The following FAT4 variants were observed in gnomAD, a reference collection of about 807,000 sequenced individuals.
The protein encoded by FAT4 is FAT atypical cadherin 4, also known as protocadherin Fat 4.
FAT4 carries 84 observed loss-of-function variants against 303.9 expected under a neutral mutation model. The observed-to-expected ratio is 0.28, with a 90% CI of 0.23 to 0.33. The LOEUF is 0.33. Ranked by LOEUF, FAT4 falls within the 10% of genes least tolerant of loss-of-function variation. FAT4 has a pLI of 1.00. For synonymous variants in FAT4, 2,307 were observed against 2,298.8 expected (o/e 1.00, Z -0.10); for missense variants, 6,005 against 6,146.8 (o/e 0.98, Z 0.77).
At chr4:125,340,214 T>G (rs1731729753) in intron 2 of FAT4, among the ~76,000 whole-genome samples, 1 of 152,178 alleles carries the variant, frequency 6.6e-6, no homozygotes, top group Non-Finnish European at 1.5e-5. Context: ...TGATATATTT[T>G]AGTTTGATTA....
At chr4:125,326,275 T>G (rs1731153674) in intron 2 of FAT4, among the ~76,000 whole-genome samples, 2 of 151,884 alleles carry the variant, frequency 1.3e-5, no homozygotes, top group Admixed American at 1.3e-4. Context: ...TAGAAATGAT[T>G]TTCTTTCACA....
At chr4:125,435,828 A>C (rs1725431372) in intron 8 of FAT4, among the ~76,000 whole-genome samples, 2 of 152,192 alleles carry the variant, frequency 1.3e-5, no homozygotes. Context: ...CAGAAGAGAC[A>C]CATAAACTGG....
intron 7 of FAT4, among the ~76,000 whole-genome samples, chr4:125,416,969 A>G (rs6534479): frequency 0.99 from 150,882 of 152,292 alleles, 74,756 homozygotes; most frequent in East Asian, 1. Context: ...AAATTAAATA[A>G]TAATAATTTC....
intron 4 of FAT4, 29 bp from the exon 5 acceptor site, chr4:125,408,415 T>A (rs981534235): frequency 7.7e-6 from 11 of 1,424,268 alleles, no homozygotes; most frequent in Non-Finnish European, 8.6e-6. Context: ...CTTCCTTGAT[T>A]TTATACTATT....
chr4:125,369,423 G>A (rs1279353928), intron 2 of FAT4, among the ~76,000 whole-genome samples: 1 of 152,034 alleles, frequency 6.6e-6, no homozygotes, highest in Non-Finnish European at 1.5e-5. Context: ...GTGATACAGT[G>A]AGACTCCATC....
chr4:125,463,761 A>G, intron 11 of FAT4, 94 bp downstream of exon 11: 1 of 618,170 alleles, frequency 1.6e-6, no homozygotes, highest in Non-Finnish European at 2.7e-6. Context: ...AGACCAAAAA[A>G]TTATTGTTTT....
intron 2 of FAT4, chr4:125,393,797 T>C (rs1734063728): frequency 1.9e-6 from 1 of 512,946 alleles, no homozygotes; most frequent in Non-Finnish European, 3.5e-6. Flanking sequence ...GACAGATCAT[T>C]TGTGAACTAA....
chr4:125,330,064 C>T (rs1340386271), intron 2 of FAT4, among the ~76,000 whole-genome samples: 2 of 152,162 alleles, frequency 1.3e-5, no homozygotes, highest in East Asian at 3.9e-4. Context: ...CTATTGTTCT[C>T]TTCTCTTACT....
At chr4:125,453,811 C>CA (rs1163404447) in intron 10 of FAT4, among the ~76,000 whole-genome samples, 2 of 152,094 alleles carry the variant, frequency 1.3e-5, no homozygotes, top group African/African-American at 2.4e-5. Flanking sequence ...CTTATCTTGA[C>CA]AGACTAGAAA....
chr4:125,483,636 T>A (rs1259442292), intron 16 of FAT4, among the ~76,000 whole-genome samples: 7 of 152,000 alleles, frequency 4.6e-5, no homozygotes, highest in Admixed American at 4.6e-4. Context: ...ATTTTTTTCC[T>A]GAAAGGAAAG....
Position 125,317,477 on chromosome 4 carries a change from C to T in FAT4, c.1066C>T (p.Arg356Cys), listed in dbSNP as rs989762568. 1.9e-6 allele frequency: 3 copies of T among 1,613,588 alleles called. No homozygotes were observed. Among genetic ancestry groups the T allele is most frequent in the African/African-American group, 1.3e-5 (1 of 74,936 alleles). The change falls in exon 2 of 18, where the codon CGC (arginine) becomes TGC (cysteine). Residue 356 changes from arginine (R) to cysteine (C), a missense_variant. Coordinates refer to ENST00000394329, the MANE Select transcript of FAT4 (RefSeq NM_001291303.3). The surrounding 1 kb of genome is among the most constrained non-coding windows in gnomAD (Gnocchi z 7.0). ...VNDNDPVVKF[R>C]YFPATSRYAS... ...TGACAATGACCCGGTAGTGAAGTTC[C>T]GCTACTTCCCGGCCACCTCGCGCTA...
intron 2 of FAT4, among the ~76,000 whole-genome samples, chr4:125,331,346 C>A (rs1208009006): frequency 6.6e-6 from 1 of 152,154 alleles, no homozygotes; most frequent in Non-Finnish European, 1.5e-5. Flanking sequence ...GGAGCTCAAC[C>A]AGTGATGCAT....
At chr4:125,430,235 TAAAA>T (rs1449316403) in intron 7 of FAT4, among the ~76,000 whole-genome samples, 1 of 150,142 alleles carries the variant, frequency 6.7e-6, no homozygotes, top group African/African-American at 2.5e-5. Context: ...AATTAGCACA[TAAAA>T]GAAGTGCCAA....
intron 7 of FAT4, among the ~76,000 whole-genome samples, chr4:125,418,985 T>G (rs1286926504): frequency 6.6e-6 from 1 of 152,154 alleles, no homozygotes; most frequent in Non-Finnish European, 1.5e-5. Context: ...TGAATTCAGA[T>G]AATTAATTTA....
intron 7 of FAT4, among the ~76,000 whole-genome samples, chr4:125,423,397 G>A (rs921048955): frequency 2.0e-5 from 3 of 152,142 alleles, no homozygotes; most frequent in African/African-American, 4.8e-5. Context: ...ATGGCTAAAA[G>A]GGGCCAAGGT....
chr4:125,427,046 A>G (rs1725108851), intron 7 of FAT4, among the ~76,000 whole-genome samples: 1 of 151,936 alleles, frequency 6.6e-6, no homozygotes. Flanking sequence ...TTGAGTTTAA[A>G]ATTAGGTGGT....
intron 8 of FAT4, among the ~76,000 whole-genome samples, chr4:125,440,610 T>TGTGTGTGTGTGTGAGAGAGAGAGA (rs372756130): frequency 4.0e-5 from 3 of 75,728 alleles, no homozygotes; most frequent in African/African-American, 1.7e-4. Context: ...TGTGTGTGTG[T>TGTGTGTGTGTGTGAGAGAGAGAGA]GAGAGAGAGA....
chr4:125,389,640 T>C (rs1053874694), intron 2 of FAT4, among the ~76,000 whole-genome samples: 1 of 152,154 alleles, frequency 6.6e-6, no homozygotes, highest in Non-Finnish European at 1.5e-5. Flanking sequence ...GGCCAGTCTT[T>C]CATAGAATGA....
chr4:125,428,492 G>GTC (rs910597170), intron 7 of FAT4, among the ~76,000 whole-genome samples: 7 of 150,906 alleles, frequency 4.6e-5, no homozygotes, highest in South Asian at 2.1e-4. Context: ...CCTGTGCACA[G>GTC]TCTCTCTCTC....
Sources: allele counts gnomAD v4.1 joint callset (sites outside exome capture counted in the v4.1 genomes callset), GRCh38; gene constraint gnomAD v4.1.1; non-coding constraint Gnocchi (gnomAD v3.1); transcripts MANE v1.5; gene names NCBI Gene and HGNC (gene_info 2026-07-23, HGNC 2026-07-21).